Variants in RUVBL2 observed in about 807,000 individuals in gnomAD.
RUVBL2 encodes the protein RuvB like AAA ATPase 2, also known as ruvB-like 2.
In RUVBL2, 9 loss-of-function variants were observed where a neutral mutation model predicts 57.9. The ratio of observed to expected loss-of-function variants is 0.16; its 90% CI spans 0.09 to 0.27. RUVBL2 has a LOEUF of 0.27. RUVBL2 is among the 10% of genes least tolerant of loss of function. RUVBL2 has a pLI of 1.00. For missense variants in RUVBL2, 456 were observed against 669.6 expected, an observed-to-expected ratio of 0.68 and a Z score of 3.52; for synonymous variants, 278 against 264.6, an observed-to-expected ratio of 1.05 and a Z score of -0.49.
chr19:49,009,525 C>T (rs145857056), intron 6 of RUVBL2, among the ~76,000 whole-genome samples: 1 of 152,224 alleles, frequency 6.6e-6, no homozygotes, highest in Non-Finnish European at 1.5e-5. Flanking sequence ...AATTGACATA[C>T]AGAAAGCTGT....
rs758668870 is a variant in RUVBL2 at position 49,014,583 on chromosome 19, G to A, written c.1101G>A (p.Thr367=). The change falls in exon 12 of 15, where the codon ACG becomes ACA. Residue 367 remains threonine, a synonymous_variant. Coordinates refer to ENST00000595090, the MANE Select transcript of RUVBL2 (RefSeq NM_006666.3). ...CCACCCCCTACAGCGAGAAAGACAC[G>A]AAGCAGATCCTCCGCATCCGGTGCG... ...VSTTPYSEKD[T]KQILRIRCEE... 5.6e-6 allele frequency: 9 copies of A among 1,613,998 alleles called. No homozygotes were observed. Among genetic ancestry groups the A allele is most frequent in the Admixed American group, 5.0e-5 (3 of 60,004 alleles).
chr19:48,993,825 G>A, upstream of RUVBL2: 1 of 1,541,678 alleles, frequency 6.5e-7, no homozygotes, highest in Non-Finnish European at 9.0e-7. Flanking sequence ...CGAGATCTTT[G>A]AAGAACCAGC....
chr19:49,014,550 C>T lies in RUVBL2; in HGVS notation c.1068C>T (p.Ile356=), dbSNP rs770201122. ...IPIDLLDRLL[I]VSTTPYSEKD... Reference sequence around the variant, plus strand: ...TAGACCTGCTGGACCGGCTGCTTATCGTCTCCACCACCCCCTACAGCGAGA... The same window carrying T: ...TAGACCTGCTGGACCGGCTGCTTATTGTCTCCACCACCCCCTACAGCGAGA... The change falls in exon 12 of 15, where the codon ATC becomes ATT. Residue 356 remains isoleucine (I), a synonymous_variant. Transcript: ENST00000595090. 2.2e-5 allele frequency: 35 copies of T among 1,614,000 alleles called. No individual in the cohort carries two copies. The highest frequency in any genetic ancestry group is 2.6e-5 in the Non-Finnish European group (31 of 1,180,030).
rs1211656772 is a variant in RUVBL2, at chr19:48,999,417, A to G, written c.67+44A>G. Reference sequence around the variant, plus strand: ...GAATAGGACCTAAGCCCTGCCTGCCATGTGCCCTGACAGAGCAAACCTATT... The same window carrying G: ...GAATAGGACCTAAGCCCTGCCTGCCGTGTGCCCTGACAGAGCAAACCTATT... On this transcript the variant is annotated intron_variant, in intron 2 of 14. Transcript: ENST00000595090. The G allele has an allele frequency of 1.1e-5, 18 of 1,605,694 alleles. No individual in the cohort carries two copies. In the Admixed American group the frequency reaches 2.5e-4, roughly 22 times the overall value.
At chr19:49,005,881 C>A (rs1376327215) in intron 4 of RUVBL2, among the ~76,000 whole-genome samples, 3 of 152,208 alleles carry the variant, frequency 2.0e-5, no homozygotes, top group African/African-American at 7.2e-5. Flanking sequence ...GGTGATCCAC[C>A]CCCCTGCCTC....
intron 2 of RUVBL2, among the ~76,000 whole-genome samples, chr19:48,999,921 C>T (rs1289674342): frequency 1.3e-5 from 2 of 152,214 alleles, no homozygotes; most frequent in East Asian, 1.9e-4. Flanking sequence ...GAAGTTGAGA[C>T]GCAGTGAGGC....
At chr19:49,004,118 A>C in intron 3 of RUVBL2, 159 bp from the exon 4 acceptor site, 2 of 433,606 alleles carry the variant, frequency 4.6e-6, no homozygotes, top group Non-Finnish European at 6.6e-6. Flanking sequence ...CTTGTCTCAA[A>C]AAAAAAAAAA....
intron 4 of RUVBL2, among the ~76,000 whole-genome samples, chr19:49,005,331 A>C (rs2039261800): frequency 6.6e-6 from 1 of 152,062 alleles, no homozygotes. Flanking sequence ...TAGATGAGTT[A>C]GACCAAGGCC....
intron 1 of RUVBL2, among the ~76,000 whole-genome samples, chr19:48,998,641 G>A (rs903608685): frequency 2.6e-5 from 4 of 151,644 alleles, no homozygotes; most frequent in Admixed American, 6.6e-5. Context: ...CCCAGGAGGC[G>A]GAGGTTGCAA....
At chr19:48,999,507 C>T in intron 2 of RUVBL2, 134 bp downstream of exon 2, 6 of 863,804 alleles carry the variant, frequency 6.9e-6, no homozygotes, top group Admixed American at 6.0e-5. Context: ...ACCATTCCCC[C>T]ACTCGCCCTA....
chr19:49,012,540 C>T (rs1041151779), intron 11 of RUVBL2, among the ~76,000 whole-genome samples: 1 of 152,132 alleles, frequency 6.6e-6, no homozygotes, highest in African/African-American at 2.4e-5. Context: ...TACGGGCAGC[C>T]CTGATTGTTC....
chr19:49,011,203 C>A lies in RUVBL2; in HGVS notation c.894C>A (p.Ile298=), dbSNP rs183507833. 6.8e-6 allele frequency: 11 copies of A among 1,613,906 alleles called. No individual in the cohort carries two copies. The South Asian group carries it at 1.1e-4, about 16-fold the overall frequency. Reference sequence around the variant, plus strand: ...CACCCCAATCCAAGGTGCTGTTCATCGACGAGGTCCACATGCTGGACATCG... The same window carrying A: ...CACCCCAATCCAAGGTGCTGTTCATAGACGAGGTCCACATGCTGGACATCG... The part of the protein sequence containing the change: ...KAEIIPGVLF[I]DEVHMLDIES... Residue 298 remains isoleucine (I), a synonymous_variant, in exon 11 of 15, where the codon ATC becomes ATA. Coordinates refer to ENST00000595090, the MANE Select transcript of RUVBL2 (RefSeq NM_006666.3). The surrounding 1 kb of genome is among the most constrained non-coding windows in gnomAD (Gnocchi z 4.4).
intron 14 of RUVBL2, 47 bp downstream of exon 14, chr19:49,015,733 G>A (rs376432809): frequency 4.0e-5 from 64 of 1,610,684 alleles, no homozygotes; most frequent in Non-Finnish European, 5.3e-5. Context: ...CAACCTCAGA[G>A]GGAGGAAGAG....
intron 5 of RUVBL2, 72 bp downstream of exon 5, chr19:49,007,219 C>A: frequency 6.2e-7 from 1 of 1,608,076 alleles, no homozygotes; most frequent in Non-Finnish European, 8.5e-7. Flanking sequence ...GGCGGCTCGT[C>A]CTTTGTCCCA....
chr19:49,008,522 C>G (rs939297030), intron 6 of RUVBL2, among the ~76,000 whole-genome samples: 29 of 150,508 alleles, frequency 1.9e-4, no homozygotes. Flanking sequence ...GCCACTGCAC[C>G]CTGCCTGTTT....
intron 1 of RUVBL2, 118 bp from the exon 2 acceptor site, chr19:48,999,201 C>G (rs1202929063): frequency 1.8e-6 from 2 of 1,088,116 alleles, no homozygotes; most frequent in African/African-American, 1.5e-5. Context: ...GGTGCCTGTC[C>G]CATCGCCTGC....
chr19:49,015,027 G>A lies in RUVBL2; in HGVS notation c.1128G>A (p.Glu376=), dbSNP rs2039516396. 1 of 1,601,494 alleles carries A rather than the reference G, an allele frequency of 6.2e-7. No individual in the cohort carries two copies. Among genetic ancestry groups the A allele is most frequent in the Admixed American group, 1.7e-5 (1 of 58,952 alleles). The part of the protein sequence containing the change: ...DTKQILRIRC[E]EEDVEMSEDA... ...TGTCCCCCACTGCTTGCAGGTGCGA[G>A]GAAGAAGATGTGGAGATGAGTGAGG... The change falls in exon 13 of 15, where the codon GAG becomes GAA. Residue 376 remains glutamate, a synonymous_variant. Transcript: ENST00000595090.
At chr19:48,999,429 A>C in intron 2 of RUVBL2, 56 bp downstream of exon 2, 1 of 1,581,916 alleles carries the variant, frequency 6.3e-7, no homozygotes, top group Non-Finnish European at 8.7e-7. Flanking sequence ...GTGCCCTGAC[A>C]GAGCAAACCT....
chr19:49,010,193 G>A, intron 8 of RUVBL2, 127 bp downstream of exon 8: 1 of 922,548 alleles, frequency 1.1e-6, no homozygotes, highest in Non-Finnish European at 1.7e-6. Context: ...GGTACTCCTG[G>A]GTCTTCCCTG....
Sources: gnomAD v4.1 joint callset for allele counts (sites outside exome capture counted in the v4.1 genomes callset) on GRCh38, gnomAD v4.1.1 for gene constraint, Gnocchi (gnomAD v3.1) non-coding constraint, MANE v1.5 for transcripts, NCBI Gene and HGNC (gene_info 2026-07-23, HGNC 2026-07-21) for gene names.